Variants in DSTN observed in about 807,000 individuals in gnomAD.
DSTN encodes the protein destrin, actin depolymerizing factor.
Under a neutral mutation model 16.8 loss-of-function variants are expected in DSTN, and 10 were observed. The observed-to-expected ratio is 0.60, with a 90% CI of 0.37 to 1.01. The LOEUF (loss-of-function observed/expected upper bound fraction) is 1.01, where lower values mean the gene tolerates loss of function less well. Ranked by LOEUF, DSTN falls within the 50% of genes least tolerant of loss-of-function variation. The pLI is 0.01. For synonymous variants in DSTN, 57 were observed against 58.9 expected (o/e 0.97, Z 0.14); for missense variants, 141 against 196.7 (o/e 0.72, Z 1.69).
chr20:17,606,209 G>A (rs2035641437), intron 3 of DSTN, among the ~76,000 whole-genome samples: 1 of 152,266 alleles, frequency 6.6e-6, no homozygotes, highest in Non-Finnish European at 1.5e-5. Context: ...CTGACCTGCT[G>A]TGCTTTCAGC....
chr20:17,591,097 G>C (rs929593369), intron 1 of DSTN, among the ~76,000 whole-genome samples: 2 of 152,230 alleles, frequency 1.3e-5, no homozygotes, highest in African/African-American at 4.8e-5. Flanking sequence ...AACAGAGCAA[G>C]ACCCTGTCCC....
intron 1 of DSTN, among the ~76,000 whole-genome samples, chr20:17,574,895 G>A (rs1459726277): frequency 3.5e-5 from 1 of 28,828 alleles, no homozygotes. Context: ...TTTTTTTTGA[G>A]ACAGACTCTC....
At chr20:17,606,108 C>CA (rs112532016) in intron 3 of DSTN, among the ~76,000 whole-genome samples, 5,443 of 134,456 alleles carry the variant, frequency 0.04, 97 homozygotes, top group South Asian at 0.054. Context: ...AACTCTGTCT[C>CA]AAAAAAAAAA....
chr20:17,575,998 G>A (rs1206491818), intron 1 of DSTN, among the ~76,000 whole-genome samples: 1 of 152,154 alleles, frequency 6.6e-6, no homozygotes, highest in East Asian at 1.9e-4. Flanking sequence ...TTTTCACTTG[G>A]AATTGTGCTT....
At chr20:17,591,529 A>T (rs370184582) in intron 1 of DSTN, among the ~76,000 whole-genome samples, 1 of 152,262 alleles carries the variant, frequency 6.6e-6, no homozygotes, top group African/African-American at 2.4e-5. Flanking sequence ...GCCTGTAGGC[A>T]AAGAAGCCCC....
Position 17,570,101 on chromosome 20 carries a change from GTCAGC to G in DSTN, c.-102_-98del, listed in dbSNP as rs1017223180. 5 of 1,471,536 alleles carry G rather than the reference GTCAGC, an allele frequency of 3.4e-6. No homozygotes were observed. In the African/African-American group the frequency reaches 7.4e-5, roughly 22 times the overall value. The allele number at this position is 1,471,536 out of a possible 1,614,324, so 91.2% of individuals were successfully genotyped here. A position where few individuals can be genotyped will look rare whatever the true frequency, so the allele number is the denominator to read the frequency against. On this transcript the variant is annotated 5_prime_UTR_variant, in exon 1 of 4. Transcript: ENST00000246069. ...CCCCGGGGTAAGCTCGCGCCGCCGC[GTCAGC>G]TCAGCGCTGGGTCTCTCGGTCCCGC...
intron 1 of DSTN, among the ~76,000 whole-genome samples, chr20:17,571,592 G>T (rs1283812112): frequency 1.3e-5 from 2 of 152,144 alleles, no homozygotes; most frequent in Non-Finnish European, 2.9e-5. Context: ...ACTTTATACT[G>T]AAAGACTTAA....
At position 17,604,469 on chromosome 20, in the gene DSTN, A is replaced by G. The variant is rs182940112; in HGVS notation, c.312-86A>G. On this transcript the variant is annotated intron_variant, in intron 2 of 3. Transcript: ENST00000246069. ...CAGGAGAGTCTGAGGATTCTCAGCA[A>G]ATGTTTACACAAGCAAATGTTTAAC... The G allele has an allele frequency of 1.1e-5, 15 of 1,370,126 alleles. No homozygotes were observed. In the East Asian group the frequency reaches 2.5e-4, roughly 23 times the overall value. 84.9% of individuals were successfully genotyped at this position (1,370,126 alleles called of 1,614,324 possible).
chr20:17,587,108 A>G (rs1021177374), intron 1 of DSTN, among the ~76,000 whole-genome samples: 1 of 152,130 alleles, frequency 6.6e-6, no homozygotes, highest in South Asian at 2.1e-4. Flanking sequence ...GTTACATACA[A>G]TGAAGTTATC....
At position 17,601,259 on chromosome 20, in the gene DSTN, G is replaced by GTTT. The variant is rs150970081; in HGVS notation, c.311+217_311+219dup. 2.0e-4 allele frequency among the ~76,000 whole-genome samples: 27 copies of GTTT among 135,298 alleles called. 6 individuals are homozygous for GTTT. The highest frequency in any genetic ancestry group is 3.3e-4 in the African/African-American group (12 of 36,536). 88.8% of individuals were successfully genotyped at this position (135,298 alleles called of 152,430 possible). On this transcript the variant is annotated intron_variant, in intron 2 of 3. Transcript: ENST00000246069. ...CTATCTACTTGTTATGTGACTCTCC[G>GTTT]TTTTTGTTTTTTTTTTCAATGGGGA...
At chr20:17,577,410 A>C (rs1056987531) in intron 1 of DSTN, among the ~76,000 whole-genome samples, 2 of 152,130 alleles carry the variant, frequency 1.3e-5, no homozygotes, top group Admixed American at 6.6e-5. Context: ...TCTACTAAAA[A>C]TACAAAATTA....
At chr20:17,583,497 A>C (rs1335273822) in intron 1 of DSTN, among the ~76,000 whole-genome samples, 3 of 152,186 alleles carry the variant, frequency 2.0e-5, no homozygotes, top group African/African-American at 7.2e-5. Flanking sequence ...AAGGGAAGGG[A>C]ATATTATTTG....
chr20:17,574,843 TCTTTTCTTTTTCTTTTCTTTTCTTTTG>T (rs2035254387), intron 1 of DSTN, among the ~76,000 whole-genome samples: 1 of 130,926 alleles, frequency 7.6e-6, no homozygotes. Context: ...CTTTTTTCTT[TCTTTTCTTTTTCTTTTCTTTTCTTTTG>T]TTTTTTTTTT....
intron 1 of DSTN, among the ~76,000 whole-genome samples, chr20:17,570,843 A>G (rs939149331): frequency 1.3e-5 from 2 of 151,716 alleles, no homozygotes; most frequent in African/African-American, 4.8e-5. Context: ...TTCCAGCAGC[A>G]CTCTCGTCGT....
chr20:17,606,895 C>T, intron 3 of DSTN, 142 bp from the exon 4 acceptor site: 1 of 639,064 alleles, frequency 1.6e-6, no homozygotes. Flanking sequence ...ATTATTTTTT[C>T]TCGTTACTGT....
intron 1 of DSTN, among the ~76,000 whole-genome samples, chr20:17,585,577 C>T (rs2035396338): frequency 6.6e-6 from 1 of 152,112 alleles, no homozygotes; most frequent in African/African-American, 2.4e-5. Flanking sequence ...GTATAATTTA[C>T]ATAAAGTGAA....
At chr20:17,596,265 AT>A (rs145597310) in intron 1 of DSTN, among the ~76,000 whole-genome samples, 6,092 of 151,490 alleles carry the variant, frequency 0.04, 167 homozygotes, top group East Asian at 0.12. Flanking sequence ...GAGAAACTAG[AT>A]TGGTTTTTCT....
intron 3 of DSTN, among the ~76,000 whole-genome samples, chr20:17,605,865 G>A (rs1003830897): frequency 6.6e-6 from 1 of 152,152 alleles, no homozygotes; most frequent in South Asian, 2.1e-4. Context: ...CACTTTGGGA[G>A]GCTAAGACAG....
chr20:17,586,246 T>C (rs988483166), intron 1 of DSTN, among the ~76,000 whole-genome samples: 2 of 152,236 alleles, frequency 1.3e-5, no homozygotes, highest in African/African-American at 4.8e-5. Context: ...AACCTTTATA[T>C]GCACAGGGAA....
Sources: allele counts gnomAD v4.1 joint callset (sites outside exome capture counted in the v4.1 genomes callset), GRCh38; gene constraint gnomAD v4.1.1; transcripts MANE v1.5; gene names NCBI Gene and HGNC (gene_info 2026-07-23, HGNC 2026-07-21).